Variants in BCKDHB observed in about 807,000 individuals in gnomAD.
BCKDHB encodes the protein 2-oxoisovalerate dehydrogenase subunit beta, mitochondrial.
A neutral mutation model predicts 48.5 loss-of-function variants in BCKDHB; 41 were observed. The ratio of observed to expected loss-of-function variants is 0.85; its 90% CI spans 0.66 to 1.10. The LOEUF is 1.10. Ranked by LOEUF, BCKDHB falls within the 50% of genes least tolerant of loss-of-function variation. BCKDHB has a pLI of 0.00. For synonymous variants in BCKDHB, 201 were observed against 174.8 expected (o/e 1.15, Z -1.18); for missense variants, 496 against 494.2 (o/e 1.00, Z -0.03).
At chr6:80,253,639 T>A (rs1358104817) in intron 8 of BCKDHB, among the ~76,000 whole-genome samples, 1 of 152,180 alleles carries the variant, frequency 6.6e-6, no homozygotes, top group African/African-American at 2.4e-5. Flanking sequence ...CAACATATCA[T>A]GTCATATCAC....
At chr6:80,107,487 GCGCATATATA>G (rs1769154277) in intron 1 of BCKDHB, among the ~76,000 whole-genome samples, 1 of 134,974 alleles carries the variant, frequency 7.4e-6, no homozygotes, top group Non-Finnish European at 1.5e-5. Context: ...ATATATATAC[GCGCATATATA>G]TGCATATATA....
chr6:80,360,020 A>G, the BCKDHB span, among the ~76,000 whole-genome samples: 1 of 152,206 alleles, frequency 6.6e-6, no homozygotes, highest in Non-Finnish European at 1.5e-5. Context: ...AAGTTGACAA[A>G]TTGCCTAATC....
intron 9 of BCKDHB, among the ~76,000 whole-genome samples, chr6:80,328,378 C>T (rs1341804169): frequency 2.0e-5 from 3 of 152,160 alleles, no homozygotes; most frequent in Non-Finnish European, 4.4e-5. Flanking sequence ...TGTCACTCAC[C>T]TAGTTGATAA....
intron 9 of BCKDHB, among the ~76,000 whole-genome samples, chr6:80,290,321 T>C (rs1489998595): frequency 6.6e-6 from 1 of 152,090 alleles, no homozygotes; most frequent in Non-Finnish European, 1.5e-5. Flanking sequence ...CATATCTTCC[T>C]CCTGCAGCCC....
At chr6:80,200,239 C>T (rs1716995278) in intron 6 of BCKDHB, among the ~76,000 whole-genome samples, 1 of 152,086 alleles carries the variant, frequency 6.6e-6, no homozygotes, top group African/African-American at 2.4e-5. Flanking sequence ...GGTTTTCTCT[C>T]AGATACCAGT....
chr6:80,279,216 C>T (rs1007877197), intron 9 of BCKDHB, among the ~76,000 whole-genome samples: 2 of 151,872 alleles, frequency 1.3e-5, no homozygotes, highest in African/African-American at 2.4e-5. Context: ...TGCAGTGGTG[C>T]GATCTCGGCT....
intron 8 of BCKDHB, among the ~76,000 whole-genome samples, chr6:80,244,579 C>T (rs926095645): frequency 3.9e-5 from 6 of 152,148 alleles, no homozygotes; most frequent in African/African-American, 1.4e-4. Context: ...GGATAACAGG[C>T]AGTTTGCTCA....
the BCKDHB span, among the ~76,000 whole-genome samples, chr6:80,387,995 G>A: frequency 6.6e-6 from 1 of 152,208 alleles, no homozygotes; most frequent in African/African-American, 2.4e-5. Context: ...GGGTCCAGTG[G>A]TGTGGGGTTT....
chr6:80,367,466 C>G, the BCKDHB span, among the ~76,000 whole-genome samples: 2 of 152,108 alleles, frequency 1.3e-5, no homozygotes, highest in African/African-American at 4.8e-5. Context: ...AAAACAAACT[C>G]TACTGTTTTT....
chr6:80,253,382 G>A (rs1776911072), intron 8 of BCKDHB, among the ~76,000 whole-genome samples: 1 of 152,166 alleles, frequency 6.6e-6, no homozygotes, highest in South Asian at 2.1e-4. Flanking sequence ...GTCTTTTCAG[G>A]TTTCACCATT....
In BCKDHB at chr6:80,335,245, A is replaced by AAAAAAAG. The variant is rs59529287; in HGVS notation, c.1039-8417_1039-8416insAAAAGAA. Among the ~76,000 whole-genome samples the AAAAAAAG allele has an allele frequency of 2.4e-3, 251 of 105,766 alleles. 2 individuals are homozygous for AAAAAAAG. Among genetic ancestry groups the AAAAAAAG allele is most frequent in the Non-Finnish European group, 2.8e-3 (128 of 44,942 alleles). 69.4% of individuals were successfully genotyped at this position (105,766 alleles called of 152,430 possible). ...GAATTTTGTGGGAAAAAAAAAAAAA[A>AAAAAAAG]AAGAAGAAAAATTGAATGCTTTGTA... On this transcript the variant is annotated intron_variant, in intron 9 of 9. Coordinates refer to ENST00000320393, the MANE Select transcript of BCKDHB (RefSeq NM_183050.4).
the BCKDHB span, among the ~76,000 whole-genome samples, chr6:80,352,997 C>A: frequency 6.6e-6 from 1 of 152,166 alleles, no homozygotes; most frequent in African/African-American, 2.4e-5. Flanking sequence ...TTTAGGGTCT[C>A]CATCACCCAG....
At chr6:80,143,173 T>A (rs973849565) in intron 3 of BCKDHB, among the ~76,000 whole-genome samples, 27 of 152,152 alleles carry the variant, frequency 1.8e-4, no homozygotes, top group Non-Finnish European at 1.6e-4. Context: ...TGCTCCTCTT[T>A]CTAGGAGTTG....
At chr6:80,323,933 C>CT (rs1768885110) in intron 9 of BCKDHB, among the ~76,000 whole-genome samples, 1 of 152,100 alleles carries the variant, frequency 6.6e-6, no homozygotes, top group South Asian at 2.1e-4. Flanking sequence ...CCACTACGGC[C>CT]GGCTAATTTT....
chr6:80,460,669 A>G, the BCKDHB span, among the ~76,000 whole-genome samples: 3 of 152,182 alleles, frequency 2.0e-5, no homozygotes, highest in Non-Finnish European at 1.5e-5. Context: ...AATAAGAGAC[A>G]TGAAGCATTT....
chr6:80,280,248 T>C (rs1778142030), intron 9 of BCKDHB, among the ~76,000 whole-genome samples: 1 of 152,234 alleles, frequency 6.6e-6, no homozygotes, highest in East Asian at 1.9e-4. Context: ...ATATACTTTA[T>C]GGAGTTCTTG....
the BCKDHB span, among the ~76,000 whole-genome samples, chr6:80,384,363 T>G: frequency 1.4e-5 from 2 of 147,784 alleles, no homozygotes; most frequent in Non-Finnish European, 3.0e-5. Flanking sequence ...TTTTTTTTTT[T>G]GTTGTTGTTT....
chr6:80,363,714 A>T, the BCKDHB span, among the ~76,000 whole-genome samples: 1 of 152,222 alleles, frequency 6.6e-6, no homozygotes, highest in Non-Finnish European at 1.5e-5. Context: ...CATGCTACCC[A>T]GAATATGCAA....
the BCKDHB span, among the ~76,000 whole-genome samples, chr6:80,361,915 T>A: frequency 1.3e-5 from 2 of 152,004 alleles, no homozygotes; most frequent in South Asian, 4.2e-4. Flanking sequence ...AGCTAGAGAG[T>A]TGCTCCAGAG....
Sources: gnomAD v4.1 joint callset for allele counts (sites outside exome capture counted in the v4.1 genomes callset) on GRCh38, gnomAD v4.1.1 for gene constraint, MANE v1.5 for transcripts, NCBI Gene and HGNC (gene_info 2026-07-23, HGNC 2026-07-21) for gene names.